The following CDC42EP2 variants were observed in gnomAD, a reference collection of about 807,000 sequenced individuals.
CDC42EP2 encodes the protein CDC42 effector protein 2.
Under a neutral mutation model 7.3 loss-of-function variants are expected in CDC42EP2, and 5 were observed. The ratio of observed to expected loss-of-function variants is 0.68; its 90% CI spans 0.36 to 1.44. The LOEUF (loss-of-function observed/expected upper bound fraction) is 1.44. Ranked by LOEUF, CDC42EP2 falls within the 40% of genes most tolerant of loss-of-function variation. CDC42EP2 has a pLI of 0.04. For synonymous variants in CDC42EP2, 113 were observed against 123.6 expected, an observed-to-expected ratio of 0.91 and a Z score of 0.57; for missense variants, 251 against 282.6, an observed-to-expected ratio of 0.89 and a Z score of 0.80.
chr11:65,321,513 C>T lies in CDC42EP2; in HGVS notation c.615C>T (p.Ser205=). Residue 205 remains serine (S), a synonymous_variant, in exon 2 of 2, where the codon AGC becomes AGT. Transcript: ENST00000279249. The surrounding 1 kb of genome is among the most constrained non-coding windows in gnomAD (Gnocchi z 4.4). ...VLQIMDQDLD[S]MQIPT ...AGATCATGGATCAGGACCTGGACAG[C>T]ATGCAGATCCCCACATAGGACACGA... 6.2e-7 allele frequency: 1 copy of T among 1,609,116 alleles called. No individual in the cohort carries two copies. The highest frequency in any genetic ancestry group is 8.5e-7 in the Non-Finnish European group (1 of 1,176,840).
At chr11:65,318,703 G>A (rs964790232) in intron 1 of CDC42EP2, among the ~76,000 whole-genome samples, 1 of 151,536 alleles carries the variant, frequency 6.6e-6, no homozygotes, top group Non-Finnish European at 1.5e-5. Flanking sequence ...GATTACAGGC[G>A]TGAACCACCG....
chr11:65,318,254 C>G (rs910610245), intron 1 of CDC42EP2, among the ~76,000 whole-genome samples: 3 of 150,330 alleles, frequency 2.0e-5, no homozygotes, highest in Non-Finnish European at 4.4e-5. Context: ...TGCCACCACA[C>G]CTGGCAAATT....
chr11:65,315,209 C>G lies in CDC42EP2; in HGVS notation c.-356+255C>G, dbSNP rs532017926. On this transcript the variant is annotated intron_variant, in intron 1 of 1. Transcript: ENST00000279249. This position sits in a 1 kb window ranked among gnomAD's most constrained non-coding sequence, Gnocchi z 4.1. ...TTCTGCCCTCCATTTTGTGTCCGGGCCCCCGCCCCCCTCCCGAGACCCAGG... is the reference window on the plus strand; with the variant it reads ...TTCTGCCCTCCATTTTGTGTCCGGGGCCCCGCCCCCCTCCCGAGACCCAGG... Among the ~76,000 whole-genome samples, 3 of 152,186 alleles carry G rather than the reference C, an allele frequency of 2.0e-5. No homozygotes were observed. The highest frequency in any genetic ancestry group is 2.9e-5 in the Non-Finnish European group (2 of 68,008).
rs563238101 is a variant in CDC42EP2, at chr11:65,315,204, C to A, written c.-356+250C>A. Among the ~76,000 whole-genome samples the A allele has an allele frequency of 6.6e-6, 1 of 152,324 alleles. No homozygotes were observed. Among genetic ancestry groups the A allele is most frequent in the Admixed American group, 6.5e-5 (1 of 15,308 alleles). ...CCCCGTTCTGCCCTCCATTTTGTGTCCGGGCCCCCGCCCCCCTCCCGAGAC... is the reference window on the plus strand; with the variant it reads ...CCCCGTTCTGCCCTCCATTTTGTGTACGGGCCCCCGCCCCCCTCCCGAGAC... On this transcript the variant is annotated intron_variant, in intron 1 of 1. Coordinates refer to ENST00000279249, the MANE Select transcript of CDC42EP2 (RefSeq NM_006779.4). This position sits in a 1 kb window ranked among gnomAD's most constrained non-coding sequence, Gnocchi z 4.1.
In CDC42EP2 at chr11:65,321,708, G is replaced by T; in HGVS notation, c.*177G>T. On this transcript the variant is annotated 3_prime_UTR_variant, in exon 2 of 2. Coordinates refer to ENST00000279249, the MANE Select transcript of CDC42EP2 (RefSeq NM_006779.4). This position sits in a 1 kb window ranked among gnomAD's most constrained non-coding sequence, Gnocchi z 4.4. ...CTCCCTCTCCACGTGGGCAGGGCAG[G>T]CCCCATCGCTTTCCTCTGATAACCA... The T allele has an allele frequency of 1.6e-6, 1 of 636,148 alleles. No homozygotes were observed. Among genetic ancestry groups the T allele is most frequent in the Non-Finnish European group, 2.8e-6 (1 of 360,872 alleles). 39.4% of individuals were successfully genotyped at this position (636,148 alleles called of 1,614,324 possible). A position where few individuals can be genotyped will look rare whatever the true frequency, so the allele number is the denominator to read the frequency against.
rs757121864 is a variant in CDC42EP2 at position 65,321,392 on chromosome 11, C to A, written c.494C>A (p.Pro165Gln). 8 of 1,613,772 alleles carry A rather than the reference C, an allele frequency of 5.0e-6. No homozygotes were observed. The highest frequency in any genetic ancestry group is 1.3e-5 in the African/African-American group (1 of 75,046). Reference sequence around the variant, plus strand: ...GGCTCCCCCAACAGTGGACTGACCCCGGAGTCAGGGGCCGAGGAGCCCTTC... The same window carrying A: ...GGCTCCCCCAACAGTGGACTGACCCAGGAGTCAGGGGCCGAGGAGCCCTTC... ...ETGSPNSGLT[P>Q]ESGAEEPFLS... is the part of the protein sequence containing the mutation. Residue 165 changes from proline to glutamine, a missense_variant, in exon 2 of 2, where the codon CCG becomes CAG. By Grantham distance (76) the Pro-to-Gln change is moderately conservative. Coordinates refer to ENST00000279249, the MANE Select transcript of CDC42EP2 (RefSeq NM_006779.4). The surrounding 1 kb of genome is among the most constrained non-coding windows in gnomAD (Gnocchi z 4.4).
intron 1 of CDC42EP2, among the ~76,000 whole-genome samples, chr11:65,317,713 C>T (rs1274237672): frequency 6.6e-6 from 1 of 152,166 alleles, no homozygotes; most frequent in Non-Finnish European, 1.5e-5. Context: ...TATGACACCC[C>T]TTCATAGCTA....
At position 65,321,310 on chromosome 11, in the gene CDC42EP2, C is replaced by T. The variant is rs1375125461; in HGVS notation, c.412C>T (p.Pro138Ser). Residue 138 changes from proline (P) to serine (S), a missense_variant, in exon 2 of 2, where the codon CCT (proline) becomes TCT (serine). Transcript: ENST00000279249. This position sits in a 1 kb window ranked among gnomAD's most constrained non-coding sequence, Gnocchi z 4.4. Reference protein sequence around the residue: ...PKPPRLHLETPQPSPQEGGSV... With the variant: ...PKPPRLHLETSQPSPQEGGSV... ...GCCCCCTCGCCTGCACCTGGAGACC[C>T]CTCAGCCTTCCCCACAGGAGGGAGG... is the stretch of plus-strand genomic sequence containing the variant. 6.2e-7 allele frequency: 1 copy of T among 1,613,878 alleles called. No homozygotes were observed. The highest frequency in any genetic ancestry group is 8.5e-7 in the Non-Finnish European group (1 of 1,180,024).
intron 1 of CDC42EP2, among the ~76,000 whole-genome samples, chr11:65,319,668 G>A (rs890235400): frequency 3.3e-5 from 5 of 152,118 alleles, no homozygotes; most frequent in African/African-American, 4.8e-5. Context: ...GAGAAAACAC[G>A]ACCCCACCTC....
Position 65,320,858 on chromosome 11 carries a change from C to A in CDC42EP2, c.-41C>A. The A allele has an allele frequency of 1.9e-6, 3 of 1,556,462 alleles. No individual in the cohort carries two copies. The highest frequency in any genetic ancestry group is 2.6e-6 in the Non-Finnish European group (3 of 1,145,202). On this transcript the variant is annotated 5_prime_UTR_variant, in exon 2 of 2. Transcript: ENST00000279249. ...GGAGAGGAGGTGTGGTCTCAGCAGG[C>A]GGCCCGTAGCCTCACAGCCAGGCCT...
Position 65,321,070 on chromosome 11 carries a change from C to T in CDC42EP2, c.172C>T (p.Leu58=). Residue 58 remains leucine (L), a synonymous_variant, in exon 2 of 2, where the codon CTG becomes TTG. Coordinates refer to ENST00000279249, the MANE Select transcript of CDC42EP2 (RefSeq NM_006779.4). This position sits in a 1 kb window ranked among gnomAD's most constrained non-coding sequence, Gnocchi z 4.4. Reference sequence around the variant, plus strand: ...TGACATGTTTGGCGACATCTCCTTCCTGCAGGGCAAGTTCCACCTCCTGCC... The same window carrying T: ...TGACATGTTTGGCGACATCTCCTTCTTGCAGGGCAAGTTCCACCTCCTGCC... ...GSDMFGDISF[L]QGKFHLLPGT... 1 of 1,614,180 alleles carries T rather than the reference C, an allele frequency of 6.2e-7. No individual in the cohort carries two copies. Among genetic ancestry groups the T allele is most frequent in the Non-Finnish European group, 8.5e-7 (1 of 1,180,034 alleles).
rs1196901875 is a variant in CDC42EP2 at position 65,315,534 on chromosome 11, G to A, written c.-356+580G>A. Among the ~76,000 whole-genome samples the A allele has an allele frequency of 3.3e-5, 5 of 152,266 alleles. No homozygotes were observed. The highest frequency in any genetic ancestry group is 2.1e-4 in the South Asian group (1 of 4,836). Reference sequence around the variant, plus strand: ...GGGGAGGCTCCTCCCAGAGCTTGGAGACTAGGGCAGGGTCCCCAATCGCCC... The same window carrying A: ...GGGGAGGCTCCTCCCAGAGCTTGGAAACTAGGGCAGGGTCCCCAATCGCCC... On this transcript the variant is annotated intron_variant, in intron 1 of 1. Transcript: ENST00000279249. The surrounding 1 kb of genome is among the most constrained non-coding windows in gnomAD (Gnocchi z 4.1).
chr11:65,318,630 A>C (rs1949959095), intron 1 of CDC42EP2, among the ~76,000 whole-genome samples: 1 of 151,770 alleles, frequency 6.6e-6, no homozygotes, highest in Non-Finnish European at 1.5e-5. Context: ...TCACCGTGTT[A>C]GCCAGGATGG....
rs563320920 is a variant in CDC42EP2, at chr11:65,321,906, G to C, written c.*375G>C. Reference sequence around the variant, plus strand: ...GTTGGATGCCCTGACTGGGGGCAGGGGAAGAGACAGGGCACAGCTGGCCAC... The same window carrying C: ...GTTGGATGCCCTGACTGGGGGCAGGCGAAGAGACAGGGCACAGCTGGCCAC... On this transcript the variant is annotated 3_prime_UTR_variant, in exon 2 of 2. Coordinates refer to ENST00000279249, the MANE Select transcript of CDC42EP2 (RefSeq NM_006779.4). This position sits in a 1 kb window ranked among gnomAD's most constrained non-coding sequence, Gnocchi z 4.4. 6.0e-5 allele frequency: 13 copies of C among 217,116 alleles called. No homozygotes were observed. The highest frequency in any genetic ancestry group is 3.7e-4 in the Admixed American group (7 of 19,080). 13.4% of individuals were successfully genotyped at this position (217,116 alleles called of 1,614,324 possible).
At position 65,314,953 on chromosome 11, in the gene CDC42EP2, C is replaced by A. The variant is rs1949939056; in HGVS notation, c.-357C>A. Reference sequence around the variant, plus strand: ...GCCGGTCTGCCGTCTGCGCGCCTCACGGTGAGTTCGGGCTGGGATTTTCGC... The same window carrying A: ...GCCGGTCTGCCGTCTGCGCGCCTCAAGGTGAGTTCGGGCTGGGATTTTCGC... On this transcript the variant is annotated splice_region_variant and 5_prime_UTR_variant, in exon 1 of 2. Coordinates refer to ENST00000279249, the MANE Select transcript of CDC42EP2 (RefSeq NM_006779.4). 1 of 152,306 alleles carries A rather than the reference C, an allele frequency of 6.6e-6. No homozygotes were observed. The highest frequency in any genetic ancestry group is 1.5e-5 in the Non-Finnish European group (1 of 68,128). The allele number at this position is 152,306 out of a possible 1,614,324, so 9.4% of individuals were successfully genotyped here.
At chr11:65,318,438 T>C (rs983269199) in intron 1 of CDC42EP2, among the ~76,000 whole-genome samples, 1 of 150,336 alleles carries the variant, frequency 6.7e-6, no homozygotes, top group Non-Finnish European at 1.5e-5. Context: ...TTTTTTTTTT[T>C]TTTGAGATGG....
At position 65,315,920 on chromosome 11, in the gene CDC42EP2, C is replaced by T. The variant is rs988670229; in HGVS notation, c.-356+966C>T. 2.0e-5 allele frequency among the ~76,000 whole-genome samples: 3 copies of T among 152,196 alleles called. No homozygotes were observed. The highest frequency in any genetic ancestry group is 1.9e-4 in the East Asian group (1 of 5,200). ...GTTCAAAGCACTGGCCCCGGAGAAT[C>T]GAAGTGCTTGAGGAAGGAAGGCCTT... On this transcript the variant is annotated intron_variant, in intron 1 of 1. Coordinates refer to ENST00000279249, the MANE Select transcript of CDC42EP2 (RefSeq NM_006779.4). The surrounding 1 kb of genome is among the most constrained non-coding windows in gnomAD (Gnocchi z 4.1).
Position 65,320,532 on chromosome 11 carries a change from T to G in CDC42EP2, c.-355-12T>G. 1 of 232,000 alleles carries G rather than the reference T, an allele frequency of 4.3e-6. No homozygotes were observed. The highest frequency in any genetic ancestry group is 8.6e-6 in the Non-Finnish European group (1 of 116,318). The allele number at this position is 232,000 out of a possible 1,614,324, so 14.4% of individuals were successfully genotyped here. A position where few individuals can be genotyped will look rare whatever the true frequency, so the allele number is the denominator to read the frequency against. ...CGCTGTCTCTGACAGGTGTGCACCC[T>G]TTGTGTTTCAGCTCCTCAGCCCTGG... is the stretch of plus-strand genomic sequence containing the variant. On this transcript the variant is annotated splice_polypyrimidine_tract_variant and intron_variant, in intron 1 of 1. Transcript: ENST00000279249.
chr11:65,315,868 G>A lies in CDC42EP2; in HGVS notation c.-356+914G>A, dbSNP rs898109939. On this transcript the variant is annotated intron_variant, in intron 1 of 1. Transcript: ENST00000279249. This position sits in a 1 kb window ranked among gnomAD's most constrained non-coding sequence, Gnocchi z 4.1. The stretch of plus-strand genomic sequence containing the variant: ...AGGGCGGGAGGAGGTGGACGCCTGG[G>A]GTCAGGAGCCCTTCGTTTTTGCTAT... 6.6e-6 allele frequency among the ~76,000 whole-genome samples: 1 copy of A among 152,210 alleles called. No individual in the cohort carries two copies. Among genetic ancestry groups the A allele is most frequent in the Non-Finnish European group, 1.5e-5 (1 of 68,042 alleles).
Sources: gnomAD v4.1 joint callset for allele counts (sites outside exome capture counted in the v4.1 genomes callset) on GRCh38, gnomAD v4.1.1 for gene constraint, Gnocchi (gnomAD v3.1) non-coding constraint, MANE v1.5 for transcripts, NCBI Gene and HGNC (gene_info 2026-07-23, HGNC 2026-07-21) for gene names.